Variants in SOX5 observed in about 807,000 individuals in gnomAD.
SOX5 encodes the protein SRY-box transcription factor 5.
In SOX5, 9 loss-of-function variants were observed where a neutral mutation model predicts 92.0. That is an observed-to-expected ratio of 0.10 (90% CI 0.06 to 0.17). SOX5 has a LOEUF of 0.17. Among genes scored for constraint, SOX5 ranks in the 10% least tolerant of loss-of-function variants. SOX5 has a pLI of 1.00. For synonymous variants in SOX5, 344 were observed against 336.3 expected (o/e 1.02, Z -0.25); for missense variants, 642 against 944.5 (o/e 0.68, Z 4.20).
At chr12:24,467,512 G>T (rs1944351123) in intron 1 of SOX5, among the ~76,000 whole-genome samples, 1 of 150,792 alleles carries the variant, frequency 6.6e-6, no homozygotes, top group South Asian at 2.1e-4. Context: ...GTTTGCAAAT[G>T]CATGGAAGCA....
intron 4 of SOX5, among the ~76,000 whole-genome samples, chr12:24,053,687 C>T (rs1396782178): frequency 6.6e-6 from 1 of 152,182 alleles, no homozygotes; most frequent in Non-Finnish European, 1.5e-5. Flanking sequence ...TGGGCTGCAA[C>T]TTACTCTCTT....
chr12:23,752,159 T>G (rs2094201065), intron 4 of SOX5, among the ~76,000 whole-genome samples: 1 of 145,674 alleles, frequency 6.9e-6, no homozygotes. Flanking sequence ...TTTGTTAAAT[T>G]CTAGCACTTT....
chr12:23,953,220 C>T (rs1343934189), upstream of SOX5, among the ~76,000 whole-genome samples: 2 of 152,068 alleles, frequency 1.3e-5, no homozygotes, highest in Non-Finnish European at 2.9e-5. Flanking sequence ...TAAATTTTGT[C>T]TTGGGTTATT....
At chr12:23,601,813 G>A (rs554178721) in intron 9 of SOX5, among the ~76,000 whole-genome samples, 2 of 152,136 alleles carry the variant, frequency 1.3e-5, no homozygotes, top group African/African-American at 4.8e-5. Context: ...TATTGGTGTG[G>A]CTATTTTTAA....
At chr12:24,108,473 T>A (rs1327936978) in intron 4 of SOX5, among the ~76,000 whole-genome samples, 1 of 152,162 alleles carries the variant, frequency 6.6e-6, no homozygotes, top group African/African-American at 2.4e-5. Context: ...TATCATTGAT[T>A]AGTCTATCAC....
At chr12:24,327,197 T>C (rs1198410870) in intron 2 of SOX5, among the ~76,000 whole-genome samples, 1 of 152,168 alleles carries the variant, frequency 6.6e-6, no homozygotes, top group Non-Finnish European at 1.5e-5. Context: ...GTTACTGATA[T>C]ACTGCAGTTT....
intron 2 of SOX5, among the ~76,000 whole-genome samples, chr12:23,873,412 G>A (rs1002183974): frequency 2.6e-5 from 4 of 152,194 alleles, no homozygotes; most frequent in African/African-American, 9.7e-5. Context: ...GGTCAAGGCT[G>A]CAGCGAGCCA....
At chr12:24,439,886 C>T (rs971195201) in intron 1 of SOX5, among the ~76,000 whole-genome samples, 1 of 150,970 alleles carries the variant, frequency 6.6e-6, no homozygotes, top group Admixed American at 6.6e-5. Context: ...CAGAGCAAGA[C>T]TCCATCTCAA....
At chr12:24,495,826 A>C (rs955530608) in intron 1 of SOX5, among the ~76,000 whole-genome samples, 2 of 152,218 alleles carry the variant, frequency 1.3e-5, no homozygotes, top group African/African-American at 2.4e-5. Flanking sequence ...TGTGGTACGC[A>C]AGGAATGCAG....
At chr12:24,287,052 T>C (rs1945956800) in intron 2 of SOX5, among the ~76,000 whole-genome samples, 2 of 152,198 alleles carry the variant, frequency 1.3e-5, no homozygotes, top group South Asian at 2.1e-4. Context: ...AGACCCATCC[T>C]AAACTGAGAC....
At chr12:23,772,615 T>G (rs928392863) in intron 3 of SOX5, among the ~76,000 whole-genome samples, 8 of 152,238 alleles carry the variant, frequency 5.3e-5, no homozygotes, top group Non-Finnish European at 1.0e-4. Context: ...TTATTTTTAA[T>G]TCTTACAAAA....
At chr12:24,471,934 G>C (rs1156390626) in intron 1 of SOX5, among the ~76,000 whole-genome samples, 1 of 151,814 alleles carries the variant, frequency 6.6e-6, no homozygotes, top group Non-Finnish European at 1.5e-5. Flanking sequence ...AAATGTGTTT[G>C]TTCATTAATT....
In SOX5 at chr12:24,027,541, A is replaced by T. The variant is rs561367677; in HGVS notation, c.-1-131517T>A. Reference sequence around the variant, plus strand: ...TTAACTCTGATGCCATGCCCACATCACTCCACTTGGGGCAGAGGCATAGCA... The same window carrying T: ...TTAACTCTGATGCCATGCCCACATCTCTCCACTTGGGGCAGAGGCATAGCA... On this transcript the variant is annotated intron_variant, in intron 4 of 4. Coordinates refer to the SOX5 transcript ENST00000446891. 2.0e-5 allele frequency among the ~76,000 whole-genome samples: 3 copies of T among 151,862 alleles called. No homozygotes were observed. In the South Asian group the frequency reaches 6.2e-4, roughly 32 times the overall value.
intron 6 of SOX5, among the ~76,000 whole-genome samples, chr12:23,698,571 G>C (rs1474070078): frequency 6.6e-6 from 1 of 152,052 alleles, no homozygotes; most frequent in Non-Finnish European, 1.5e-5. Flanking sequence ...TGAACATAGT[G>C]AATATATTTT....
chr12:24,324,907 T>G (rs1310997175), intron 2 of SOX5, among the ~76,000 whole-genome samples: 1 of 151,738 alleles, frequency 6.6e-6, no homozygotes. Context: ...ACTGAATCTT[T>G]TTAAGTTTCA....
chr12:23,996,616 T>C (rs1020771287), intron 4 of SOX5, among the ~76,000 whole-genome samples: 1 of 152,206 alleles, frequency 6.6e-6, no homozygotes, highest in Admixed American at 6.5e-5. Flanking sequence ...CAATGGAATA[T>C]TACTTTGCCA....
chr12:23,925,886 A>G (rs1939804470), intron 1 of SOX5, among the ~76,000 whole-genome samples: 1 of 152,116 alleles, frequency 6.6e-6, no homozygotes, highest in Admixed American at 6.5e-5. Flanking sequence ...AAAATGATAA[A>G]TAAAATATCT....
In SOX5 at chr12:24,334,309, G is replaced by A. The variant is rs56239708; in HGVS notation, c.-174+34254C>T. Among the ~76,000 whole-genome samples the A allele has an allele frequency of 1.5e-3, 234 of 151,978 alleles. 1 individual carries two copies. The highest frequency in any genetic ancestry group is 5.4e-3 in the African/African-American group (225 of 41,490). ...AATTAAACGGCAGATTAAAGACTGA[G>A]AATATATGTATAATCAATGAGGAAA... On this transcript the variant is annotated intron_variant, in intron 2 of 4. Coordinates refer to the SOX5 transcript ENST00000446891.
At chr12:24,359,576 A>G (rs1269875778) in intron 2 of SOX5, among the ~76,000 whole-genome samples, 3 of 152,236 alleles carry the variant, frequency 2.0e-5, no homozygotes, top group Non-Finnish European at 4.4e-5. Context: ...AGATCTGAAT[A>G]ATTCAGACTC....
Sources: allele counts gnomAD v4.1 joint callset (sites outside exome capture counted in the v4.1 genomes callset), GRCh38; gene constraint gnomAD v4.1.1; transcripts MANE v1.5; gene names NCBI Gene and HGNC (gene_info 2026-07-23, HGNC 2026-07-21).